The following MREG variants were observed in gnomAD, a reference collection of about 807,000 sequenced individuals.
The protein encoded by MREG is dilute suppressor protein homolog.
A neutral mutation model predicts 28.5 loss-of-function variants in MREG; 31 were observed. The ratio of observed to expected loss-of-function variants is 1.09; its 90% CI spans 0.82 to 1.47. The LOEUF (loss-of-function observed/expected upper bound fraction) is 1.47. MREG is among the 40% of genes most tolerant of loss of function. The pLI is 0.00. For missense variants in MREG, 256 were observed against 257.4 expected (o/e 0.99, Z 0.04); for synonymous variants, 106 against 95.2 (o/e 1.11, Z -0.66).
chr2:216,004,873 G>A (rs1018035797), intron 1 of MREG, among the ~76,000 whole-genome samples: 2 of 152,202 alleles, frequency 1.3e-5, no homozygotes, highest in African/African-American at 4.8e-5. Flanking sequence ...TTTTAAGAGA[G>A]TGGTCAGGGT....
intron 2 of MREG, among the ~76,000 whole-genome samples, chr2:215,963,906 TACATTTGACTAA>T (rs1559179018): frequency 6.6e-6 from 1 of 152,162 alleles, no homozygotes; most frequent in Non-Finnish European, 1.5e-5. Context: ...AAAAGATAAA[TACATTTGACTAA>T]ATACAAATTT....
intron 1 of MREG, among the ~76,000 whole-genome samples, chr2:216,012,724 GCC>G (rs1694345143): frequency 6.6e-6 from 1 of 152,148 alleles, no homozygotes; most frequent in Admixed American, 6.5e-5. Flanking sequence ...TGAATAGGCT[GCC>G]CCTTGATGAA....
intron 2 of MREG, among the ~76,000 whole-genome samples, chr2:215,956,471 A>C (rs1003471739): frequency 1.3e-5 from 2 of 152,176 alleles, no homozygotes; most frequent in Admixed American, 6.5e-5. Context: ...AATAATATAT[A>C]TATCAAAAGA....
chr2:215,983,121 A>C (rs1051350643), intron 2 of MREG, among the ~76,000 whole-genome samples: 3 of 152,228 alleles, frequency 2.0e-5, no homozygotes, highest in Non-Finnish European at 4.4e-5. Context: ...GGAGGATCCC[A>C]AAATTATCTA....
exon 1 of MREG, chr2:216,032,947 C>T (rs1694732888): frequency 6.6e-6 from 1 of 152,120 alleles, no homozygotes; most frequent in Non-Finnish European, 1.5e-5. Flanking sequence ...GTCTTGAATC[C>T]TAAGAAGGCA....
intron 2 of MREG, among the ~76,000 whole-genome samples, chr2:215,987,710 G>A (rs1462818705): frequency 2.0e-5 from 3 of 152,012 alleles, no homozygotes; most frequent in Admixed American, 6.6e-5. Context: ...GTGAAACCCC[G>A]TCTCCACTAA....
At chr2:215,986,231 G>C (rs543976702) in intron 2 of MREG, among the ~76,000 whole-genome samples, 7 of 152,172 alleles carry the variant, frequency 4.6e-5, no homozygotes, top group Non-Finnish European at 8.8e-5. Context: ...TGAGTTATTT[G>C]AAAATCTGGA....
rs1019747681 is a variant in MREG at position 215,948,428 on chromosome 2, T to G, written c.256-1315A>C. ...TTACCAAAGGCATGTTGAACGTGCATGTGCACATGTGCATGGTGATTGGGG... is the reference window on the plus strand; with the variant it reads ...TTACCAAAGGCATGTTGAACGTGCAGGTGCACATGTGCATGGTGATTGGGG... On this transcript the variant is annotated intron_variant, in intron 2 of 4. Transcript: ENST00000263268. 2.6e-5 allele frequency among the ~76,000 whole-genome samples: 4 copies of G among 152,268 alleles called. No individual in the cohort carries two copies. In the East Asian group the frequency reaches 7.7e-4, roughly 29 times the overall value.
At chr2:215,950,361 A>G (rs989674482) in intron 2 of MREG, among the ~76,000 whole-genome samples, 5 of 152,326 alleles carry the variant, frequency 3.3e-5, no homozygotes, top group Admixed American at 2.6e-4. Flanking sequence ...CTAAATATCT[A>G]CAATGAATGT....
At chr2:215,958,310 C>G (rs1692686180) in intron 2 of MREG, among the ~76,000 whole-genome samples, 1 of 151,448 alleles carries the variant, frequency 6.6e-6, no homozygotes, top group Admixed American at 6.6e-5. Context: ...AATAAAAGAA[C>G]TCCTGATTCA....
chr2:215,968,126 G>C (rs1304481234), intron 2 of MREG, among the ~76,000 whole-genome samples: 3 of 152,178 alleles, frequency 2.0e-5, no homozygotes, highest in African/African-American at 7.2e-5. Flanking sequence ...CCTTCTGTTA[G>C]ATGAGAAAAC....
In MREG at chr2:215,996,336, GAC is replaced by G; in HGVS notation, c.223_224del (p.Val75HisfsTer3). The G allele has an allele frequency of 1.2e-6, 2 of 1,613,904 alleles. No individual in the cohort carries two copies. The highest frequency in any genetic ancestry group is 1.7e-6 in the Non-Finnish European group (2 of 1,179,856). On this transcript the variant is annotated frameshift_variant, in exon 2 of 5. Transcript: ENST00000263268. LOFTEE classifies it high-confidence loss of function. ...DDDRTLYNLI[V>X]IRNQQAKDSE... Reference sequence around the variant, plus strand: ...AGTCTTTGGCCTGCTGATTACGAATGACTATCAAATTGTACAGGGTTCTGTCG... The same window carrying G: ...AGTCTTTGGCCTGCTGATTACGAATGTATCAAATTGTACAGGGTTCTGTCG...
intron 1 of MREG, among the ~76,000 whole-genome samples, chr2:216,023,818 C>T (rs922933213): frequency 6.6e-5 from 10 of 152,056 alleles, no homozygotes; most frequent in East Asian, 5.8e-4. Context: ...CAGGCACCCA[C>T]GACCATGCCC....
intron 2 of MREG, among the ~76,000 whole-genome samples, chr2:215,968,005 A>G (rs1390868228): frequency 2.6e-5 from 4 of 152,222 alleles, no homozygotes; most frequent in Non-Finnish European, 5.9e-5. Flanking sequence ...GCAAACACAT[A>G]AGAATCCAAT....
At chr2:215,948,378 CAA>C (rs1559173210) in intron 2 of MREG, among the ~76,000 whole-genome samples, 1 of 151,940 alleles carries the variant, frequency 6.6e-6, no homozygotes, top group Non-Finnish European at 1.5e-5. Flanking sequence ...CAAGTTTGAA[CAA>C]TTTCTCCTGG....
intron 1 of MREG, among the ~76,000 whole-genome samples, chr2:216,010,354 CTTTTTT>C (rs1164326774): frequency 1.1e-5 from 1 of 94,370 alleles, no homozygotes; most frequent in Non-Finnish European, 2.0e-5. Flanking sequence ...AAAGATTTCT[CTTTTTT>C]TTTTTTTTTT....
chr2:215,995,511 C>CCCTCCG (rs61363161), intron 2 of MREG, among the ~76,000 whole-genome samples: 1 of 136,124 alleles, frequency 7.3e-6, no homozygotes, highest in Non-Finnish European at 1.5e-5. Context: ...CCCACCCCAC[C>CCCTCCG]CCCCGCCACC....
intron 1 of MREG, among the ~76,000 whole-genome samples, chr2:216,023,461 T>C (rs1055220574): frequency 5.3e-5 from 8 of 152,226 alleles, no homozygotes; most frequent in African/African-American, 1.7e-4. Flanking sequence ...AATTGAGCAA[T>C]AAGTAAATCC....
At chr2:215,987,777 C>A (rs1693612476) in intron 2 of MREG, among the ~76,000 whole-genome samples, 1 of 152,050 alleles carries the variant, frequency 6.6e-6, no homozygotes, top group Non-Finnish European at 1.5e-5. Flanking sequence ...GTGGCGCATG[C>A]CTGTAATCCT....
Sources: allele counts gnomAD v4.1 joint callset (sites outside exome capture counted in the v4.1 genomes callset), GRCh38; gene constraint gnomAD v4.1.1; transcripts MANE v1.5; gene names NCBI Gene and HGNC (gene_info 2026-07-23, HGNC 2026-07-21).